The following GPCPD1 variants were observed in gnomAD, a reference collection of about 807,000 sequenced individuals.
GPCPD1 encodes the protein glycerophosphocholine phosphodiesterase 1.
In GPCPD1, 29 loss-of-function variants were observed where a neutral mutation model predicts 89.2. The ratio of observed to expected loss-of-function variants is 0.33; its 90% CI spans 0.24 to 0.44. The LOEUF (loss-of-function observed/expected upper bound fraction) is 0.44, where lower values mean the gene tolerates loss of function less well. Ranked by LOEUF, GPCPD1 falls within the 20% of genes least tolerant of loss-of-function variation. The pLI is 1.00. For synonymous variants in GPCPD1, 258 were observed against 266.3 expected (o/e 0.97, Z 0.30); for missense variants, 594 against 808.9 (o/e 0.73, Z 3.22).
intron 2 of GPCPD1, 55 bp downstream of exon 2, chr20:5,604,309 A>G (rs1402566509): frequency 3.3e-6 from 3 of 903,308 alleles, no homozygotes; most frequent in Non-Finnish European, 5.4e-6. Flanking sequence ...GGTAATCCAG[A>G]TAAGAAACAT....
At chr20:5,553,613 T>C (rs771054856) in intron 19 of GPCPD1, among the ~76,000 whole-genome samples, 2 of 152,230 alleles carry the variant, frequency 1.3e-5, no homozygotes, top group African/African-American at 4.8e-5. Flanking sequence ...TTGAAAGTGC[T>C]ACTACAGTGA....
At chr20:5,554,965 GA>G (rs1985664949) in intron 19 of GPCPD1, among the ~76,000 whole-genome samples, 1 of 152,230 alleles carries the variant, frequency 6.6e-6, no homozygotes, top group African/African-American at 2.4e-5. Flanking sequence ...ACCTTCAGTG[GA>G]AGAAGTCACT....
intron 6 of GPCPD1, among the ~76,000 whole-genome samples, chr20:5,582,126 C>T (rs1978555739): frequency 1.6e-5 from 2 of 125,560 alleles, no homozygotes; most frequent in Admixed American, 2.0e-4. Context: ...GCGGAGCTTG[C>T]AGTGAGCCGA....
chr20:5,575,622 T>C, intron 9 of GPCPD1, 77 bp from the exon 10 acceptor site: 1 of 1,019,148 alleles, frequency 9.8e-7, no homozygotes, highest in East Asian at 2.5e-5. Context: ...TATATTTAAA[T>C]ACCACTCAAG....
rs747022900 is a variant in GPCPD1 at position 5,595,078 on chromosome 20, A to G, written c.147-1667T>C. Among the ~76,000 whole-genome samples the G allele has an allele frequency of 7.0e-4, 106 of 152,344 alleles. No individual in the cohort carries two copies. In the Middle Eastern group the frequency reaches 0.01, roughly 15 times the overall value. ...TCAGCAACCACGACTCTGATCAGTT[A>G]GCAGCCATCAACATTGAGACAAAAC... On this transcript the variant is annotated intron_variant, in intron 3 of 19. Coordinates refer to ENST00000379019, the MANE Select transcript of GPCPD1 (RefSeq NM_019593.5).
Position 5,607,151 on chromosome 20 carries a change from G to A in GPCPD1, c.-28-2711C>T, listed in dbSNP as rs919032857. Among the ~76,000 whole-genome samples, 3 of 152,150 alleles carry A rather than the reference G, an allele frequency of 2.0e-5. No individual in the cohort carries two copies. In the South Asian group the frequency reaches 6.2e-4, roughly 32 times the overall value. On this transcript the variant is annotated intron_variant, in intron 1 of 19. Transcript: ENST00000379019. ...AAAATACAAAAATTGGCTGGGCATGGTGGTGGGCACCGGTAATCCCAGCTA... is the reference window on the plus strand; with the variant it reads ...AAAATACAAAAATTGGCTGGGCATGATGGTGGGCACCGGTAATCCCAGCTA...
Position 5,584,274 on chromosome 20 carries a change from CACTT to C in GPCPD1, c.349+3_349+6del. On this transcript the variant is annotated splice_donor_5th_base_variant and intron_variant, in intron 6 of 19. Coordinates refer to ENST00000379019, the MANE Select transcript of GPCPD1 (RefSeq NM_019593.5). ...AGTAAACATTTAAGTAAGTCAGTCT[CACTT>C]ACTGTGGATTCCAAATTGTCCATCG... is the stretch of plus-strand genomic sequence containing the variant. The C allele has an allele frequency of 7.7e-7, 1 of 1,295,192 alleles. No individual in the cohort carries two copies. Among genetic ancestry groups the C allele is most frequent in the South Asian group, 1.2e-5 (1 of 81,308 alleles). The allele number at this position is 1,295,192 out of a possible 1,614,324, so 80.2% of individuals were successfully genotyped here. A position where few individuals can be genotyped will look rare whatever the true frequency, so the allele number is the denominator to read the frequency against.
At chr20:5,598,414 T>C (rs913396023) in intron 3 of GPCPD1, among the ~76,000 whole-genome samples, 15 of 151,606 alleles carry the variant, frequency 9.9e-5, no homozygotes, top group Non-Finnish European at 1.8e-4. Flanking sequence ...TAACTAATTA[T>C]GGTGGTAAGT....
chr20:5,582,222 A>G (rs1465682507), intron 6 of GPCPD1, among the ~76,000 whole-genome samples: 2 of 140,754 alleles, frequency 1.4e-5, no homozygotes, highest in South Asian at 2.3e-4. Context: ...AAAAAAAACT[A>G]CTACTCCATA....
At chr20:5,576,599 T>C (rs1448407650) in intron 8 of GPCPD1, among the ~76,000 whole-genome samples, 1 of 152,312 alleles carries the variant, frequency 6.6e-6, no homozygotes, top group African/African-American at 2.4e-5. Context: ...ATATATATTT[T>C]TTTGAGAGAG....
rs1321527587 is a variant in GPCPD1 at position 5,610,935 on chromosome 20, C to G, written c.-122G>C. On this transcript the variant is annotated 5_prime_UTR_variant, in exon 1 of 20. Coordinates refer to ENST00000379019, the MANE Select transcript of GPCPD1 (RefSeq NM_019593.5). ...GGTACCGGGCGCCCGCCGTCCGTGC[C>G]TCGCCAGCGCTCCCCCCAGGCGGCC... 1.7e-4 allele frequency: 5 copies of G among 28,898 alleles called. No individual in the cohort carries two copies. The Admixed American group carries it at 2.1e-3, about 12-fold the overall frequency. The allele number at this position is 28,898 out of a possible 1,614,324, so 1.8% of individuals were successfully genotyped here.
At chr20:5,580,641 G>T (rs1978403044) in intron 6 of GPCPD1, among the ~76,000 whole-genome samples, 1 of 151,114 alleles carries the variant, frequency 6.6e-6, no homozygotes, top group Non-Finnish European at 1.5e-5. Flanking sequence ...CAGGAGAATG[G>T]CGTGAACCCA....
At chr20:5,571,901 T>A in intron 11 of GPCPD1, among the ~76,000 whole-genome samples, 1 of 131,856 alleles carries the variant, frequency 7.6e-6, no homozygotes. Context: ...AGAACAAAAC[T>A]CCATCTCAAA....
intron 7 of GPCPD1, among the ~76,000 whole-genome samples, chr20:5,578,958 C>T (rs779239714): frequency 5.9e-5 from 9 of 151,990 alleles, no homozygotes; most frequent in Admixed American, 1.3e-4. Context: ...GAAGCTGACG[C>T]GGGAGGATTG....
At chr20:5,570,730 C>A (rs534135576) in intron 11 of GPCPD1, among the ~76,000 whole-genome samples, 1 of 152,014 alleles carries the variant, frequency 6.6e-6, no homozygotes, top group Non-Finnish European at 1.5e-5. Context: ...AATGTCAGTA[C>A]GGAATGAAAG....
intron 15 of GPCPD1, among the ~76,000 whole-genome samples, chr20:5,564,680 T>TA: frequency 6.6e-6 from 1 of 151,972 alleles, no homozygotes; most frequent in Non-Finnish European, 1.5e-5. Flanking sequence ...TACAAAAAAA[T>TA]AAAAAAATTA....
intron 19 of GPCPD1, chr20:5,548,185 CA>C (rs1192148242): frequency 6.2e-6 from 1 of 161,158 alleles, no homozygotes; most frequent in African/African-American, 2.4e-5. Flanking sequence ...CTTTTTTTAA[CA>C]AATGGAAATC....
chr20:5,606,655 A>G (rs1378735274), intron 1 of GPCPD1, among the ~76,000 whole-genome samples: 1 of 152,150 alleles, frequency 6.6e-6, no homozygotes, highest in Admixed American at 6.6e-5. Context: ...CCTAGCATCT[A>G]GGGGTAAAGG....
chr20:5,552,397 CT>C (rs1985469543), intron 19 of GPCPD1, among the ~76,000 whole-genome samples: 1 of 152,212 alleles, frequency 6.6e-6, no homozygotes, highest in Admixed American at 6.5e-5. Context: ...CCAGGAAGAA[CT>C]TTCTTGAGCA....
Sources: gnomAD v4.1 joint callset for allele counts (sites outside exome capture counted in the v4.1 genomes callset) on GRCh38, gnomAD v4.1.1 for gene constraint, MANE v1.5 for transcripts, NCBI Gene and HGNC (gene_info 2026-07-23, HGNC 2026-07-21) for gene names.